Variants in TOGARAM1 observed in about 807,000 individuals in gnomAD.
TOGARAM1 encodes the protein TOG array regulator of axonemal microtubules 1.
A neutral mutation model predicts 166.6 loss-of-function variants in TOGARAM1; 100 were observed. The observed-to-expected ratio is 0.60, with a 90% CI of 0.51 to 0.71. The LOEUF (loss-of-function observed/expected upper bound fraction) is 0.71. Among genes scored for constraint, TOGARAM1 ranks in the 30% least tolerant of loss-of-function variants. TOGARAM1 has a pLI of 0.00. For synonymous variants in TOGARAM1, 758 were observed against 763.8 expected (o/e 0.99, Z 0.13); for missense variants, 2,029 against 2,102.7 (o/e 0.96, Z 0.69).
intron 11 of TOGARAM1, among the ~76,000 whole-genome samples, chr14:45,041,847 G>A (rs116641139): frequency 0.046 from 7,071 of 152,188 alleles, 535 homozygotes; most frequent in African/African-American, 0.16. Context: ...CTGCAGCCTC[G>A]ACCTCTGTGG....
intron 14 of TOGARAM1, among the ~76,000 whole-genome samples, chr14:45,049,911 T>G (rs1412851593): frequency 6.6e-6 from 1 of 152,226 alleles, no homozygotes; most frequent in Non-Finnish European, 1.5e-5. Context: ...AGTAATTCTT[T>G]CTAGCCCATT....
intron 1 of TOGARAM1, among the ~76,000 whole-genome samples, chr14:44,986,978 C>G (rs1262723819): frequency 6.9e-6 from 1 of 145,848 alleles, no homozygotes; most frequent in Non-Finnish European, 1.5e-5. Flanking sequence ...GCACTCCAGC[C>G]TGGGCGACAG....
chr14:45,028,280 T>C lies in TOGARAM1; in HGVS notation c.3609T>C (p.Asn1203=). The change falls in exon 10 of 20, where the codon AAT becomes AAC. Residue 1203 remains asparagine (N), a synonymous_variant. Coordinates refer to ENST00000361462, the MANE Select transcript of TOGARAM1 (RefSeq NM_001308120.2). ...HNKDCEKKEK[N]SWERMRHTGT... is the part of the protein sequence containing the mutation. ...AAGATTGTGAAAAGAAGGAAAAAAA[T>C]TCCTGGGAACGAATGAGACATACAG... 6.2e-7 allele frequency: 1 copy of C among 1,603,352 alleles called. No homozygotes were observed. The highest frequency in any genetic ancestry group is 8.5e-7 in the Non-Finnish European group (1 of 1,177,096).
intron 3 of TOGARAM1, among the ~76,000 whole-genome samples, chr14:45,001,352 T>A (rs1887682789): frequency 6.6e-6 from 1 of 152,218 alleles, no homozygotes; most frequent in Non-Finnish European, 1.5e-5. Flanking sequence ...GGCAAAGATT[T>A]CTTGAGTAAG....
chr14:45,022,223 A>G (rs746004596), intron 7 of TOGARAM1, among the ~76,000 whole-genome samples: 3 of 151,864 alleles, frequency 2.0e-5, no homozygotes, highest in Non-Finnish European at 4.4e-5. Context: ...GAATTATTTC[A>G]TGAACTAGTG....
At chr14:45,066,418 G>A (rs1232822535) in intron 16 of TOGARAM1, among the ~76,000 whole-genome samples, 160 bp from the exon 17 acceptor site, 1 of 152,104 alleles carries the variant, frequency 6.6e-6, no homozygotes, top group African/African-American at 2.4e-5. Flanking sequence ...AGATCCTGGG[G>A]ACCCCCAGGA....
chr14:45,054,879 G>A (rs1367513773), intron 16 of TOGARAM1, among the ~76,000 whole-genome samples: 1 of 151,902 alleles, frequency 6.6e-6, no homozygotes, highest in African/African-American at 2.4e-5. Flanking sequence ...CATAATTATG[G>A]TTAAAGGGGA....
chr14:45,008,954 G>T lies in TOGARAM1; in HGVS notation c.2946G>T (p.Lys982Asn). ...GGTCCCTTCGTAATAGTGCAGCTAAGAAAAGAGCAAAACTGAGTGGCAGTA... is the reference window on the plus strand; with the variant it reads ...GGTCCCTTCGTAATAGTGCAGCTAATAAAAGAGCAAAACTGAGTGGCAGTA... Reference protein sequence around the residue: ...SLRSLRNSAAKKRAKLSGSTS... With the variant: ...SLRSLRNSAANKRAKLSGSTS... The change falls in exon 6 of 20, where the codon AAG becomes AAT. Residue 982 changes from lysine (K) to asparagine (N), a missense_variant. By Grantham distance (94) the Lys-to-Asn change is moderately conservative. Coordinates refer to ENST00000361462, the MANE Select transcript of TOGARAM1 (RefSeq NM_001308120.2). 1 of 1,614,094 alleles carries T rather than the reference G, an allele frequency of 6.2e-7. No individual in the cohort carries two copies. The highest frequency in any genetic ancestry group is 8.5e-7 in the Non-Finnish European group (1 of 1,179,992).
intron 1 of TOGARAM1, among the ~76,000 whole-genome samples, chr14:44,991,827 A>C (rs2138794978): frequency 6.6e-6 from 1 of 152,136 alleles, no homozygotes; most frequent in Non-Finnish European, 1.5e-5. Flanking sequence ...AAGGGTCCCA[A>C]AGAATAATTT....
chr14:44,966,185 A>G (rs1436539177), intron 1 of TOGARAM1, among the ~76,000 whole-genome samples: 2 of 151,682 alleles, frequency 1.3e-5, no homozygotes, highest in Non-Finnish European at 2.9e-5. Flanking sequence ...TTTTTAAATT[A>G]CAAAGGCCAG....
rs575499855 is a variant in TOGARAM1 at position 45,022,436 on chromosome 14, T to C, written c.3239-3347T>C. On this transcript the variant is annotated intron_variant, in intron 7 of 19. Transcript: ENST00000361462. ...GGCGATAAGGCAGGGGATTATTTCT[T>C]TGGCACACTTCACAGGCCCTGACTA... is the stretch of plus-strand genomic sequence containing the variant. 1.1e-4 allele frequency among the ~76,000 whole-genome samples: 16 copies of C among 150,902 alleles called. No individual in the cohort carries two copies. The East Asian group carries it at 2.7e-3, about 26-fold the overall frequency.
chr14:45,039,299 T>G (rs145156410), intron 11 of TOGARAM1, among the ~76,000 whole-genome samples: 202 of 152,254 alleles, frequency 1.3e-3, no homozygotes, highest in Non-Finnish European at 2.5e-3. Context: ...GCATATTGAT[T>G]GGTCCGTGGG....
intron 16 of TOGARAM1, among the ~76,000 whole-genome samples, chr14:45,065,828 G>A (rs775062561): frequency 9.2e-5 from 14 of 152,170 alleles, no homozygotes; most frequent in Non-Finnish European, 2.1e-4. Flanking sequence ...TGAGTTTTTT[G>A]AAAGAGGTTC....
chr14:45,017,031 G>A (rs943115985), intron 7 of TOGARAM1, among the ~76,000 whole-genome samples: 3 of 152,114 alleles, frequency 2.0e-5, no homozygotes, highest in African/African-American at 7.2e-5. Context: ...AAGACGATAG[G>A]TCACTTGATA....
chr14:45,003,807 A>ATATGT (rs375115435), intron 3 of TOGARAM1, among the ~76,000 whole-genome samples: 4 of 152,082 alleles, frequency 2.6e-5, no homozygotes, highest in South Asian at 2.1e-4. Flanking sequence ...GTATGTATGT[A>ATATGT]ATTGATAAAA....
At chr14:45,020,944 G>GT (rs1488833851) in intron 7 of TOGARAM1, among the ~76,000 whole-genome samples, 8 of 152,176 alleles carry the variant, frequency 5.3e-5, no homozygotes, top group Non-Finnish European at 1.2e-4. Flanking sequence ...ACATTCAACA[G>GT]TTAGTAGGGT....
chr14:44,971,600 T>G (rs1262101755), intron 1 of TOGARAM1, among the ~76,000 whole-genome samples: 3 of 152,180 alleles, frequency 2.0e-5, no homozygotes, highest in African/African-American at 7.2e-5. Context: ...TGGATTTAAT[T>G]TGCTCTTCCT....
chr14:45,056,119 T>G (rs988716967), intron 16 of TOGARAM1, among the ~76,000 whole-genome samples: 7 of 152,036 alleles, frequency 4.6e-5, no homozygotes, highest in Non-Finnish European at 1.0e-4. Context: ...TCCTAGGTAT[T>G]TTATTTCTTT....
chr14:45,052,267 G>A (rs1882409315), intron 14 of TOGARAM1, among the ~76,000 whole-genome samples, 169 bp from the exon 15 acceptor site: 1 of 151,976 alleles, frequency 6.6e-6, no homozygotes, highest in Non-Finnish European at 1.5e-5. Flanking sequence ...TACCCTCTAG[G>A]GTATCCTATA....
Sources: gnomAD v4.1 joint callset for allele counts (sites outside exome capture counted in the v4.1 genomes callset) on GRCh38, gnomAD v4.1.1 for gene constraint, MANE v1.5 for transcripts, NCBI Gene and HGNC (gene_info 2026-07-23, HGNC 2026-07-21) for gene names.